TPRG1: variants seen among roughly 807,000 people sequenced by gnomAD.
TPRG1 encodes the protein tumor protein p63 regulated 1.
In TPRG1, 29 loss-of-function variants were observed where a neutral mutation model predicts 29.3. The ratio of observed to expected loss-of-function variants is 0.99; its 90% CI spans 0.74 to 1.35. TPRG1 has a LOEUF of 1.35. Ranked by LOEUF, TPRG1 falls within the 40% of genes most tolerant of loss-of-function variation. The pLI is 0.00. For missense variants in TPRG1, 327 were observed against 335.0 expected (o/e 0.98, Z 0.19); for synonymous variants, 130 against 116.8 (o/e 1.11, Z -0.73).
chr3:189,219,863 T>G (rs1736683454), intron 3 of TPRG1: 2 of 710,672 alleles, frequency 2.8e-6, no homozygotes, highest in African/African-American at 1.9e-5. Context: ...ACTTAAAATA[T>G]GTTTCATTAT....
chr3:189,036,604 T>C lies in TPRG1; in HGVS notation c.-463+12658T>C, dbSNP rs140336321. On this transcript the variant is annotated intron_variant, in intron 4 of 10. Transcript: ENST00000433971. ...AGGAGGAATAATAAAATAATAAAGATAATATAAAATTCAAGAAATAAGAAA... is the reference window on the plus strand; with the variant it reads ...AGGAGGAATAATAAAATAATAAAGACAATATAAAATTCAAGAAATAAGAAA... Among the ~76,000 whole-genome samples the C allele has an allele frequency of 1.7e-4, 26 of 152,034 alleles. No individual in the cohort carries two copies. In the East Asian group the frequency reaches 5.0e-3, roughly 29 times the overall value.
At chr3:189,289,536 G>A (rs75370609) in intron 4 of TPRG1, among the ~76,000 whole-genome samples, 3 of 151,980 alleles carry the variant, frequency 2.0e-5, no homozygotes, top group Non-Finnish European at 2.9e-5. Flanking sequence ...TGTTGACTAC[G>A]TAGTCTTTGA....
At chr3:189,112,807 C>A (rs1301738675) in intron 1 of TPRG1, among the ~76,000 whole-genome samples, 1 of 152,056 alleles carries the variant, frequency 6.6e-6, no homozygotes, top group Non-Finnish European at 1.5e-5. Context: ...ATTCAGGTAG[C>A]GTGATGCCTC....
intron 4 of TPRG1, among the ~76,000 whole-genome samples, chr3:189,058,773 A>AG (rs1440894951): frequency 1.3e-5 from 2 of 152,218 alleles, no homozygotes; most frequent in African/African-American, 4.8e-5. Context: ...ATACACACTC[A>AG]GCCTTTATCG....
chr3:189,198,070 A>G (rs570735272), intron 1 of TPRG1, among the ~76,000 whole-genome samples: 2 of 152,298 alleles, frequency 1.3e-5, no homozygotes, highest in East Asian at 1.9e-4. Context: ...TTCTCCTCCC[A>G]TTGCAAAATG....
At chr3:189,080,674 G>A (rs1717531865) in intron 4 of TPRG1, among the ~76,000 whole-genome samples, 2 of 152,104 alleles carry the variant, frequency 1.3e-5, no homozygotes, top group South Asian at 4.1e-4. Context: ...ACTTGGAGGT[G>A]CAAGAATGAG....
At chr3:189,100,047 G>A (rs576491340), upstream of TPRG1, 1 of 152,460 alleles carries the variant, frequency 6.6e-6, no homozygotes, top group South Asian at 2.1e-4. Context: ...CGAGAGGACT[G>A]AAAGAGAAAC....
chr3:189,140,877 C>T (rs73055406), intron 3 of TPRG1, among the ~76,000 whole-genome samples: 1,924 of 152,218 alleles, frequency 0.013, 42 homozygotes, highest in African/African-American at 0.044. Flanking sequence ...GGTATGTCCG[C>T]GCCAATCTTG....
chr3:189,279,849 G>T (rs1716796896), intron 4 of TPRG1, among the ~76,000 whole-genome samples: 2 of 152,176 alleles, frequency 1.3e-5, no homozygotes, highest in East Asian at 3.9e-4. Context: ...GTACAGGGAG[G>T]TAATTCCTTC....
chr3:189,156,652 C>T (rs1342765425), intron 5 of TPRG1, among the ~76,000 whole-genome samples: 1 of 152,184 alleles, frequency 6.6e-6, no homozygotes, highest in African/African-American at 2.4e-5. Flanking sequence ...ATGGGAGATG[C>T]ACCAGCTTAG....
intron 4 of TPRG1, among the ~76,000 whole-genome samples, chr3:189,067,294 C>G (rs1248441901): frequency 6.6e-6 from 1 of 152,132 alleles, no homozygotes; most frequent in Admixed American, 6.6e-5. Context: ...ATACAAATTA[C>G]ATTCTTCAGA....
chr3:189,039,387 T>C (rs1311371108), intron 4 of TPRG1, among the ~76,000 whole-genome samples: 1 of 152,140 alleles, frequency 6.6e-6, no homozygotes, highest in African/African-American at 2.4e-5. Flanking sequence ...TGTTGTGAAA[T>C]TCTCTGGGAA....
At chr3:189,317,882 G>T (rs926426398) in intron 5 of TPRG1, among the ~76,000 whole-genome samples, 2 of 152,150 alleles carry the variant, frequency 1.3e-5, no homozygotes, top group Non-Finnish European at 2.9e-5. Flanking sequence ...GAGGGTTGAG[G>T]CATGGGATAG....
At chr3:189,287,044 C>A (rs1047505609) in intron 4 of TPRG1, among the ~76,000 whole-genome samples, 9 of 152,032 alleles carry the variant, frequency 5.9e-5, no homozygotes, top group Non-Finnish European at 8.8e-5. Context: ...GGCAGCAGGG[C>A]CTCACCCTCC....
chr3:189,191,578 T>G (rs1731698180), intron 1 of TPRG1, among the ~76,000 whole-genome samples: 1 of 152,230 alleles, frequency 6.6e-6, no homozygotes, highest in Non-Finnish European at 1.5e-5. Flanking sequence ...TAGAATGATA[T>G]TATTTGGATG....
Position 189,033,322 on chromosome 3 carries a change from C to A in TPRG1, c.-463+9376C>A, listed in dbSNP as rs538367634. ...CTTGAGGCAGGATCTCACACGTTCA[C>A]CCATGCCGGAGTGCAGCTGTATGAT... is the stretch of plus-strand genomic sequence containing the variant. On this transcript the variant is annotated intron_variant, in intron 4 of 10. Transcript: ENST00000433971. 7.9e-5 allele frequency among the ~76,000 whole-genome samples: 12 copies of A among 151,780 alleles called. No homozygotes were observed. In the South Asian group the frequency reaches 2.5e-3, roughly 32 times the overall value.
intron 5 of TPRG1, among the ~76,000 whole-genome samples, chr3:189,316,119 A>G (rs890497638): frequency 6.6e-6 from 1 of 152,228 alleles, no homozygotes; most frequent in African/African-American, 2.4e-5. Flanking sequence ...GTGTGTGTGC[A>G]CATATGTGCA....
chr3:189,270,172 A>G (rs1190586314), intron 4 of TPRG1, among the ~76,000 whole-genome samples: 1 of 151,976 alleles, frequency 6.6e-6, no homozygotes, highest in South Asian at 2.1e-4. Flanking sequence ...TAAGAAAAAT[A>G]ATAATAACAT....
intron 4 of TPRG1, among the ~76,000 whole-genome samples, chr3:189,069,588 T>TA (rs1458172859): frequency 1.3e-5 from 2 of 152,038 alleles, no homozygotes; most frequent in East Asian, 3.8e-4. Flanking sequence ...AAATGTTTAA[T>TA]AAAAAAAGAA....
Sources: gnomAD v4.1 joint callset for allele counts (sites outside exome capture counted in the v4.1 genomes callset) on GRCh38, gnomAD v4.1.1 for gene constraint, MANE v1.5 for transcripts, NCBI Gene and HGNC (gene_info 2026-07-23, HGNC 2026-07-21) for gene names.